ZNF540: variants seen among roughly 807,000 people sequenced by gnomAD.
ZNF540 encodes the protein CTD-3064H18.6.
ZNF540 carries 3 observed loss-of-function variants against 11.8 expected under a neutral mutation model. That is an observed-to-expected ratio of 0.25 (90% CI 0.12 to 0.65). The LOEUF (loss-of-function observed/expected upper bound fraction) is 0.65. Ranked by LOEUF, ZNF540 falls within the 30% of genes least tolerant of loss-of-function variation. The pLI, the probability that ZNF540 is intolerant of heterozygous loss-of-function variation, is 0.83. For missense variants in ZNF540, 709 were observed against 793.1 expected (o/e 0.89, Z 1.27); for synonymous variants, 247 against 259.0 (o/e 0.95, Z 0.45).
intron 1 of ZNF540, among the ~76,000 whole-genome samples, chr19:37,574,698 GAA>G (rs1600490294): frequency 1.3e-5 from 2 of 152,136 alleles, no homozygotes; most frequent in East Asian, 3.9e-4. Flanking sequence ...GATATGACTA[GAA>G]AAAGTCACTC....
intron 1 of ZNF540, chr19:37,565,481 A>G: frequency 6.2e-7 from 1 of 1,613,420 alleles, no homozygotes; most frequent in Non-Finnish European, 8.5e-7. Flanking sequence ...ACCAAGAATA[A>G]AGGCCTTTCC....
chr19:37,593,675 C>T (rs2043933143), upstream of ZNF540, among the ~76,000 whole-genome samples: 2 of 152,130 alleles, frequency 1.3e-5, no homozygotes, highest in African/African-American at 2.4e-5. Flanking sequence ...CGCACTCCAG[C>T]CAGGGCGACA....
At chr19:37,596,885 CAACATTTAAT>C in intron 1 of ZNF540, among the ~76,000 whole-genome samples, 1 of 152,228 alleles carries the variant, frequency 6.6e-6, no homozygotes, top group Non-Finnish European at 1.5e-5. Context: ...TAATAAGTAG[CAACATTTAAT>C]AGCTTTTAGT....
At chr19:37,560,059 T>A (rs562534789) in intron 1 of ZNF540, among the ~76,000 whole-genome samples, 52 of 152,276 alleles carry the variant, frequency 3.4e-4, no homozygotes, top group African/African-American at 1.2e-3. Context: ...AGTGGATCAC[T>A]TGAGGCCAGG....
At position 37,604,296 on chromosome 19, in the gene ZNF540, C is replaced by CTTTTTTTTTTTTTTT. The variant is rs769163050; in HGVS notation, c.232+3206_232+3220dup. ...CATAGAGCTTTGGAAAATAGCCTTA[C>CTTTTTTTTTTTTTTT]TTTTTTTTTTTTTTTTTTTTTTTTT... On this transcript the variant is annotated intron_variant, in intron 4 of 4. Coordinates refer to ENST00000316433, the MANE Select transcript of ZNF540 (RefSeq NM_001172225.3). Among the ~76,000 whole-genome samples, 54 of 75,266 alleles carry CTTTTTTTTTTTTTTT rather than the reference C, an allele frequency of 7.2e-4. 13 individuals are homozygous for CTTTTTTTTTTTTTTT. The highest frequency in any genetic ancestry group is 1.0e-3 in the Non-Finnish European group (40 of 39,488). 49.4% of individuals were successfully genotyped at this position (75,266 alleles called of 152,430 possible). A position where few individuals can be genotyped will look rare whatever the true frequency, so the allele number is the denominator to read the frequency against.
intron 4 of ZNF540, among the ~76,000 whole-genome samples, chr19:37,602,201 C>A (rs2044044606): frequency 6.6e-6 from 1 of 152,076 alleles, no homozygotes; most frequent in South Asian, 2.1e-4. Context: ...CATAGGTGAA[C>A]AAGCAGCTAA....
intron 1 of ZNF540, among the ~76,000 whole-genome samples, chr19:37,552,423 A>G (rs2042615643): frequency 6.6e-6 from 1 of 152,190 alleles, no homozygotes; most frequent in African/African-American, 2.4e-5. Context: ...ATCTTTATAG[A>G]TTTTCTATAT....
intron 4 of ZNF540, among the ~76,000 whole-genome samples, chr19:37,609,319 G>A (rs1414479268): frequency 4.6e-5 from 7 of 152,044 alleles, no homozygotes; most frequent in African/African-American, 1.4e-4. Context: ...CGAGGTGGGC[G>A]GATCACAAGG....
intron 1 of ZNF540, among the ~76,000 whole-genome samples, chr19:37,553,106 C>T (rs1220180590): frequency 1.3e-5 from 1 of 77,834 alleles, no homozygotes; most frequent in South Asian, 4.5e-4. Flanking sequence ...TTTATATAAC[C>T]TAACATCTTT....
At chr19:37,552,976 C>T (rs2147133499) in intron 1 of ZNF540, among the ~76,000 whole-genome samples, 1 of 146,390 alleles carries the variant, frequency 6.8e-6, no homozygotes, top group East Asian at 2.0e-4. Context: ...GTTTTATGTT[C>T]ACATAGCCAT....
chr19:37,588,901 T>C (rs1365045587), intron 1 of ZNF540, among the ~76,000 whole-genome samples: 1 of 152,072 alleles, frequency 6.6e-6, no homozygotes, highest in Non-Finnish European at 1.5e-5. Context: ...GATATCTAAA[T>C]ATTAAAAAAT....
upstream of ZNF540, chr19:37,594,803 A>T (rs528542897): frequency 6.6e-6 from 1 of 152,202 alleles, no homozygotes; most frequent in Admixed American, 6.5e-5. Flanking sequence ...GACGTTGCGC[A>T]GCGACGCGGG....
intron 1 of ZNF540, among the ~76,000 whole-genome samples, chr19:37,576,518 A>G (rs1331999627): frequency 2.0e-5 from 3 of 152,176 alleles, no homozygotes; most frequent in African/African-American, 7.2e-5. Context: ...TTAACACAAG[A>G]TTGACTAAGT....
chr19:37,554,410 G>A (rs1012488660), intron 1 of ZNF540, among the ~76,000 whole-genome samples: 2 of 152,126 alleles, frequency 1.3e-5, no homozygotes, highest in African/African-American at 4.8e-5. Flanking sequence ...ACCAGATAGA[G>A]TTTCCTCCCT....
At chr19:37,567,747 C>T (rs1030132017) in intron 1 of ZNF540, 29 of 152,226 alleles carry the variant, frequency 1.9e-4, no homozygotes, top group African/African-American at 7.0e-4. Flanking sequence ...TAGGTCCATG[C>T]CAGGTATTTT....
chr19:37,574,327 G>T (rs1294997102), intron 1 of ZNF540, among the ~76,000 whole-genome samples: 1 of 152,146 alleles, frequency 6.6e-6, no homozygotes, highest in South Asian at 2.1e-4. Context: ...TTCCAGTCCT[G>T]GGACAACCCT....
At chr19:37,608,866 C>G (rs1600563557) in intron 4 of ZNF540, among the ~76,000 whole-genome samples, 2 of 152,126 alleles carry the variant, frequency 1.3e-5, no homozygotes, top group East Asian at 3.9e-4. Context: ...GAGAAAATAC[C>G]CTAACCTCAG....
At position 37,614,115 on chromosome 19, in the gene ZNF540, T is replaced by A. The variant is rs540375062; in HGVS notation, c.*852T>A. The A allele has an allele frequency of 2.7e-6, 1 of 365,030 alleles. No homozygotes were observed. The highest frequency in any genetic ancestry group is 4.0e-5 in the East Asian group (1 of 25,050). The allele number at this position is 365,030 out of a possible 1,614,324, so 22.6% of individuals were successfully genotyped here. On this transcript the variant is annotated 3_prime_UTR_variant, in exon 5 of 5. Coordinates refer to ENST00000316433, the MANE Select transcript of ZNF540 (RefSeq NM_001172225.3). ...TTATAAGCCACTGAGTCTACGATAT[T>A]TTGTTATGCAGCCCAGATAACTAAG...
rs781299584 is a variant in ZNF540 at position 37,612,861 on chromosome 19, A to C, written c.1581A>C (p.Glu527Asp). ...HTGEKPYKCKECGKAFIRRGN... is the reference protein window; with the variant it reads ...HTGEKPYKCKDCGKAFIRRGN... ...GTGAAAAGCCCTATAAATGTAAAGA[A>C]TGTGGAAAGGCCTTTATTCGTAGAG... The change falls in exon 5 of 5, where the codon GAA becomes GAC. Residue 527 changes from glutamate to aspartate, a missense_variant. By Grantham distance (45) the Glu-to-Asp change is conservative. Coordinates refer to ENST00000316433, the MANE Select transcript of ZNF540 (RefSeq NM_001172225.3). 1.2e-6 allele frequency: 2 copies of C among 1,614,122 alleles called. No homozygotes were observed. Among genetic ancestry groups the C allele is most frequent in the Admixed American group, 1.7e-5 (1 of 60,024 alleles).
Sources: allele counts gnomAD v4.1 joint callset (sites outside exome capture counted in the v4.1 genomes callset), GRCh38; gene constraint gnomAD v4.1.1; transcripts MANE v1.5; gene names NCBI Gene and HGNC (gene_info 2026-07-23, HGNC 2026-07-21).